RBFOX1: variants seen among roughly 807,000 people sequenced by gnomAD.
RBFOX1 encodes RNA binding protein fox-1 homolog 1.
In RBFOX1, 8 loss-of-function variants were observed where a neutral mutation model predicts 57.7. The observed-to-expected ratio is 0.14, with a 90% confidence interval of 0.08 to 0.25. The LOEUF (loss-of-function observed/expected upper bound fraction) is 0.25, where lower values mean the gene tolerates loss of function less well. Among genes scored for constraint, RBFOX1 ranks in the 10% least tolerant of loss-of-function variants. The pLI, the probability that RBFOX1 is intolerant of heterozygous loss-of-function variation, is 1.00. For missense variants in RBFOX1, 611 were observed against 548.5 expected, an observed-to-expected ratio of 1.11 and a Z score of -1.14; for synonymous variants, 326 against 222.4, an observed-to-expected ratio of 1.47 and a Z score of -4.15.
At chr16:7,218,644 G>GTA (rs1567757053) in intron 4 of RBFOX1, among the ~76,000 whole-genome samples, 1 of 148,762 alleles carries the variant, frequency 6.7e-6, no homozygotes, top group East Asian at 2.0e-4. Context: ...GTGTGTGTGT[G>GTA]TGTGTGTGTG....
chr16:5,562,133 G>A (rs578235500), intron 2 of RBFOX1, among the ~76,000 whole-genome samples: 41 of 152,246 alleles, frequency 2.7e-4, no homozygotes, highest in African/African-American at 9.4e-4. Flanking sequence ...CTCATGGCAA[G>A]GTTAGAATGA....
chr16:5,655,198 T>G (rs1370373920), intron 3 of RBFOX1, among the ~76,000 whole-genome samples: 1 of 152,232 alleles, frequency 6.6e-6, no homozygotes, highest in Admixed American at 6.5e-5. Context: ...CACACCATCA[T>G]ATGCAGAATC....
intron 4 of RBFOX1, among the ~76,000 whole-genome samples, chr16:5,867,893 G>C (rs888713892): frequency 1.3e-5 from 2 of 151,920 alleles, no homozygotes; most frequent in Non-Finnish European, 2.9e-5. Context: ...TGTGTTTTTA[G>C]TAGAGACAGG....
intron 3 of RBFOX1, among the ~76,000 whole-genome samples, chr16:5,815,289 TG>T (rs1206776261): frequency 6.6e-6 from 1 of 151,254 alleles, no homozygotes; most frequent in Non-Finnish European, 1.5e-5. Context: ...CCATCGTGCC[TG>T]GCCTGATTTC....
intron 14 of RBFOX1, among the ~76,000 whole-genome samples, chr16:7,699,244 G>T (rs905315887): frequency 6.7e-6 from 1 of 148,894 alleles, no homozygotes; most frequent in African/African-American, 2.5e-5. Context: ...AGAGTTCAGT[G>T]CAATAGCCTG....
rs183787225 is a variant in RBFOX1, at chr16:6,957,162, T to C, written c.-15-94895T>C. On this transcript the variant is annotated intron_variant, in intron 3 of 15. Transcript: ENST00000550418. ...TTTATTTATTTTTGAGATGGAGTCT[T>C]GCTCTGTCACCCAGGCTGCAGTGCA... Among the ~76,000 whole-genome samples the C allele has an allele frequency of 6.1e-3, 908 of 150,002 alleles. 5 individuals are homozygous for C. Among genetic ancestry groups the C allele is most frequent in the African/African-American group, 0.021 (836 of 40,186 alleles).
At chr16:6,678,237 A>G (rs574097774) in intron 3 of RBFOX1, among the ~76,000 whole-genome samples, 1 of 152,082 alleles carries the variant, frequency 6.6e-6, no homozygotes, top group Admixed American at 6.5e-5. Context: ...CATTTATCCA[A>G]CTTCATCCTC....
chr16:5,870,286 T>G (rs543516315), intron 4 of RBFOX1, among the ~76,000 whole-genome samples: 1 of 150,284 alleles, frequency 6.7e-6, no homozygotes, highest in East Asian at 2.0e-4. Flanking sequence ...CTCATCTGGA[T>G]GTATTTACGG....
intron 4 of RBFOX1, among the ~76,000 whole-genome samples, chr16:7,217,846 A>G (rs1380917105): frequency 6.6e-6 from 1 of 152,112 alleles, no homozygotes; most frequent in Non-Finnish European, 1.5e-5. Context: ...TACTCACTGC[A>G]TGTGTGTGGG....
intron 2 of RBFOX1, among the ~76,000 whole-genome samples, chr16:6,620,552 G>A (rs554828257): frequency 2.4e-4 from 37 of 152,028 alleles, no homozygotes; most frequent in African/African-American, 3.6e-4. Flanking sequence ...CAATGAATCC[G>A]GGAGCTATTT....
At chr16:5,521,787 C>T (rs1404420507) in intron 2 of RBFOX1, among the ~76,000 whole-genome samples, 1 of 152,202 alleles carries the variant, frequency 6.6e-6, no homozygotes, top group African/African-American at 2.4e-5. Flanking sequence ...AACTGCACTG[C>T]AATGCTATTC....
intron 1 of RBFOX1, among the ~76,000 whole-genome samples, chr16:6,262,489 A>G (rs948240189): frequency 2.4e-4 from 36 of 152,242 alleles, no homozygotes; most frequent in South Asian, 1.2e-3. Flanking sequence ...CCTCATCCAT[A>G]TTGAGGGAGG....
At chr16:6,693,269 A>C (rs111165026) in intron 3 of RBFOX1, among the ~76,000 whole-genome samples, 1 of 150,800 alleles carries the variant, frequency 6.6e-6, no homozygotes, top group Non-Finnish European at 1.5e-5. Context: ...CTCATCCACT[A>C]ACATCACCAC....
At chr16:6,989,376 A>T (rs891803878) in intron 3 of RBFOX1, among the ~76,000 whole-genome samples, 1 of 152,204 alleles carries the variant, frequency 6.6e-6, no homozygotes, top group Non-Finnish European at 1.5e-5. Context: ...TTTATTAAAC[A>T]GCATTATATA....
At chr16:6,618,127 A>T (rs1405757369) in intron 2 of RBFOX1, among the ~76,000 whole-genome samples, 2 of 151,954 alleles carry the variant, frequency 1.3e-5, no homozygotes, top group Non-Finnish European at 1.5e-5. Flanking sequence ...CCTAACCGTC[A>T]GTGCTCCCAG....
At position 6,959,635 on chromosome 16, in the gene RBFOX1, C is replaced by T. The variant is rs186341791; in HGVS notation, c.-15-92422C>T. Among the ~76,000 whole-genome samples the T allele has an allele frequency of 3.2e-3, 480 of 152,204 alleles. 1 individual carries two copies. The highest frequency in any genetic ancestry group is 4.9e-3 in the Non-Finnish European group (333 of 68,012). ...TGTTCCAGCACTGACTGAGTGGTTA[C>T]GTTAAATATTAAAAGCTGAGGCTGG... On this transcript the variant is annotated intron_variant, in intron 3 of 15. Coordinates refer to ENST00000550418, the MANE Select transcript of RBFOX1 (RefSeq NM_018723.4).
chr16:7,341,768 C>CTCCT (rs2096898973), intron 4 of RBFOX1, among the ~76,000 whole-genome samples: 4 of 99,140 alleles, frequency 4.0e-5, no homozygotes, highest in East Asian at 6.7e-4. Context: ...CCCTCCTTCC[C>CTCCT]TCCCTCCCTC....
chr16:5,568,215 G>T (rs968243830), intron 2 of RBFOX1, among the ~76,000 whole-genome samples: 1 of 152,176 alleles, frequency 6.6e-6, no homozygotes, highest in Non-Finnish European at 1.5e-5. Flanking sequence ...TGCACTTCAG[G>T]TTGCAGCGTA....
In RBFOX1 at chr16:6,735,404, A is replaced by G. The variant is rs368232408; in HGVS notation, c.-16+80754A>G. On this transcript the variant is annotated intron_variant, in intron 3 of 15. Transcript: ENST00000550418. ...GGGCTTTACTTTTAAGGATTGGAAA[A>G]TTGTAAATAGGTAAATGGATAGATA... Among the ~76,000 whole-genome samples the G allele has an allele frequency of 1.9e-4, 29 of 152,260 alleles. No individual in the cohort carries two copies. In the South Asian group the frequency reaches 6.0e-3, roughly 32 times the overall value.
Sources: allele counts gnomAD v4.1 joint callset (sites outside exome capture counted in the v4.1 genomes callset), GRCh38; gene constraint gnomAD v4.1.1; transcripts MANE v1.5; gene names NCBI Gene and HGNC (gene_info 2026-07-23, HGNC 2026-07-21).